The following RAP1A variants were observed in gnomAD, a reference collection of about 807,000 sequenced individuals.
The protein encoded by RAP1A is ras-related protein Rap-1A.
In RAP1A, 6 loss-of-function variants were observed where a neutral mutation model predicts 26.4. That is an observed-to-expected ratio of 0.23 (90% CI 0.12 to 0.45). RAP1A has a LOEUF of 0.45. Ranked by LOEUF, RAP1A falls within the 20% of genes least tolerant of loss-of-function variation. The pLI, the probability that RAP1A is intolerant of heterozygous loss-of-function variation, is 0.99. For missense variants in RAP1A, 121 were observed against 217.2 expected (o/e 0.56, Z 2.78); for synonymous variants, 73 against 79.4 (o/e 0.92, Z 0.43).
At chr1:111,652,353 A>G (rs1660302168) in intron 1 of RAP1A, among the ~76,000 whole-genome samples, 1 of 152,252 alleles carries the variant, frequency 6.6e-6, no homozygotes, top group Non-Finnish European at 1.5e-5. Flanking sequence ...CCTTGCATTC[A>G]GCAAAGTTGA....
chr1:111,663,328 A>C (rs1306922896), intron 1 of RAP1A, among the ~76,000 whole-genome samples: 3 of 152,224 alleles, frequency 2.0e-5, no homozygotes, highest in African/African-American at 7.2e-5. Context: ...TGGATTAAGG[A>C]ATACAATAAA....
chr1:111,616,571 C>T (rs1390929828), upstream of RAP1A, among the ~76,000 whole-genome samples: 2 of 152,200 alleles, frequency 1.3e-5, no homozygotes, highest in Non-Finnish European at 2.9e-5. Flanking sequence ...ACAGGGACCA[C>T]AGCAAACCAT....
At chr1:111,687,964 G>A (rs144799016) in intron 1 of RAP1A, among the ~76,000 whole-genome samples, 178 of 139,886 alleles carry the variant, frequency 1.3e-3, no homozygotes, top group African/African-American at 4.3e-3. Flanking sequence ...TCTTGGGTGA[G>A]CTATGATCAC....
intron 1 of RAP1A, chr1:111,600,024 CT>C: frequency 6.5e-6 from 1 of 154,988 alleles, no homozygotes; most frequent in Non-Finnish European, 1.4e-5. Flanking sequence ...TCCTCTTCAC[CT>C]TCCAAGATGA....
intron 1 of RAP1A, among the ~76,000 whole-genome samples, chr1:111,569,904 T>G (rs1430209854): frequency 6.6e-6 from 1 of 152,140 alleles, no homozygotes; most frequent in Non-Finnish European, 1.5e-5. Context: ...ACAAGAAATA[T>G]TAAGAAGTCT....
intron 1 of RAP1A, chr1:111,602,404 TGGAGG>T (rs1658691308): frequency 6.6e-6 from 1 of 152,128 alleles, no homozygotes; most frequent in Non-Finnish European, 1.5e-5. Context: ...GGGCTTGTAA[TGGAGG>T]ATTAAATTAA....
chr1:111,709,379 T>G, intron 7 of RAP1A, 115 bp downstream of exon 7: 2 of 1,190,962 alleles, frequency 1.7e-6, no homozygotes, highest in South Asian at 3.9e-5. Flanking sequence ...CTGTAACTTG[T>G]AAATGTGATA....
intron 1 of RAP1A, among the ~76,000 whole-genome samples, chr1:111,686,011 A>G (rs957277356): frequency 2.0e-5 from 3 of 152,096 alleles, no homozygotes; most frequent in Admixed American, 6.5e-5. Context: ...ATTCTCAGCA[A>G]ACTAACACAG....
intron 4 of RAP1A, among the ~76,000 whole-genome samples, chr1:111,701,313 C>T (rs1169754351): frequency 6.6e-6 from 1 of 152,124 alleles, no homozygotes; most frequent in African/African-American, 2.4e-5. Flanking sequence ...GGTAGTCTTC[C>T]TCCACATAAC....
intron 1 of RAP1A, among the ~76,000 whole-genome samples, chr1:111,569,749 A>G (rs1412649986): frequency 1.3e-5 from 2 of 152,130 alleles, no homozygotes; most frequent in Non-Finnish European, 2.9e-5. Flanking sequence ...AGGTCTTCCC[A>G]GAAGTCTTCA....
Position 111,658,245 on chromosome 1 carries a change from A to G in RAP1A, c.-27-33089A>G, listed in dbSNP as rs143919002. On this transcript the variant is annotated intron_variant, in intron 1 of 7. Transcript: ENST00000369709. Reference sequence around the variant, plus strand: ...AATTTTATTTTTCACTTCTTTGCCAATATATAGAAATACAGTCACACATCA... The same window carrying G: ...AATTTTATTTTTCACTTCTTTGCCAGTATATAGAAATACAGTCACACATCA... Among the ~76,000 whole-genome samples, 20 of 152,264 alleles carry G rather than the reference A, an allele frequency of 1.3e-4. No homozygotes were observed. The East Asian group carries it at 3.9e-3, about 29-fold the overall frequency.
At chr1:111,563,298 A>C (rs917007123) in intron 1 of RAP1A, among the ~76,000 whole-genome samples, 1 of 152,132 alleles carries the variant, frequency 6.6e-6, no homozygotes, top group Non-Finnish European at 1.5e-5. Context: ...ATAAATAAAT[A>C]AATAAACCCA....
Position 111,595,169 on chromosome 1 carries a change from T to C in RAP1A, c.-28+52660T>C, listed in dbSNP as rs1658543764. ...TAAATTTGTATTCAGCTTTTTAAAC[T>C]GTAAGTCTTGATTTAATTAATGTAC... On this transcript the variant is annotated intron_variant, in intron 1 of 7. Coordinates refer to the RAP1A transcript ENST00000356415. Among the ~76,000 whole-genome samples, 3 of 152,224 alleles carry C rather than the reference T, an allele frequency of 2.0e-5. No homozygotes were observed. The South Asian group carries it at 6.2e-4, about 32-fold the overall frequency.
chr1:111,607,228 CG>C (rs1658804335), intron 1 of RAP1A, among the ~76,000 whole-genome samples: 2 of 151,490 alleles, frequency 1.3e-5, no homozygotes, highest in East Asian at 1.9e-4. Context: ...TGACTCTTAA[CG>C]AGCATGCTGC....
chr1:111,706,712 C>T (rs1258247107), intron 6 of RAP1A: 5 of 985,360 alleles, frequency 5.1e-6, no homozygotes, highest in African/African-American at 1.7e-5. Context: ...TGGGGCCTTT[C>T]AGCATTTCTA....
chr1:111,703,749 A>T (rs778866813), intron 5 of RAP1A, among the ~76,000 whole-genome samples: 1 of 152,250 alleles, frequency 6.6e-6, no homozygotes, highest in South Asian at 2.1e-4. Flanking sequence ...AGAATACTTC[A>T]TAGAAGTGGG....
At chr1:111,648,964 G>A in intron 1 of RAP1A, 3 of 660,076 alleles carry the variant, frequency 4.5e-6, no homozygotes, top group Non-Finnish European at 5.7e-6. Context: ...TCTTCGTTGA[G>A]AGCCTCGATC....
In RAP1A at chr1:111,701,920, A is replaced by G. The variant is rs556593215; in HGVS notation, c.184-1416A>G. The stretch of plus-strand genomic sequence containing the variant: ...TGCAAACTTTATCAATGAAAAATCC[A>G]GGAAACTTCCAGTTTTTACATCTTT... On this transcript the variant is annotated intron_variant, in intron 4 of 7. Coordinates refer to ENST00000369709, the MANE Select transcript of RAP1A (RefSeq NM_002884.4). 9.8e-5 allele frequency among the ~76,000 whole-genome samples: 15 copies of G among 152,360 alleles called. No individual in the cohort carries two copies. The South Asian group carries it at 1.7e-3, about 17-fold the overall frequency.
rs1350474761 is a variant in RAP1A, at chr1:111,607,695, C to A, written c.-28+65186C>A. 4.9e-5 allele frequency among the ~76,000 whole-genome samples: 7 copies of A among 141,954 alleles called. No individual in the cohort carries two copies. In the East Asian group the frequency reaches 1.5e-3, roughly 30 times the overall value. 93.1% of individuals were successfully genotyped at this position (141,954 alleles called of 152,430 possible). ...GGCGGCTGGCCGGGCGGCGGGCTGACCCCCCCACCTCCCTCCCGGACGGGG... is the reference window on the plus strand; with the variant it reads ...GGCGGCTGGCCGGGCGGCGGGCTGAACCCCCCACCTCCCTCCCGGACGGGG... On this transcript the variant is annotated intron_variant, in intron 1 of 7. Coordinates refer to the RAP1A transcript ENST00000356415.
Sources: allele counts gnomAD v4.1 joint callset (sites outside exome capture counted in the v4.1 genomes callset), GRCh38; gene constraint gnomAD v4.1.1; transcripts MANE v1.5; gene names NCBI Gene and HGNC (gene_info 2026-07-23, HGNC 2026-07-21).